The following ZNF215 variants were observed in gnomAD, a reference collection of about 807,000 sequenced individuals.
ZNF215 encodes the protein zinc finger protein 215, also known as BWSCR2-associated zinc finger protein 2.
ZNF215 carries 24 observed loss-of-function variants against 27.2 expected under a neutral mutation model. The observed-to-expected ratio is 0.88, with a 90% CI of 0.64 to 1.24. The LOEUF (loss-of-function observed/expected upper bound fraction) is 1.24, where lower values mean the gene tolerates loss of function less well. ZNF215 is among the 50% of genes most tolerant of loss of function. ZNF215 has a pLI of 0.00. For synonymous variants in ZNF215, 210 were observed against 204.0 expected, an observed-to-expected ratio of 1.03 and a Z score of -0.25; for missense variants, 675 against 605.7, an observed-to-expected ratio of 1.11 and a Z score of -1.20.
At chr11:6,958,218 T>C (rs577789634), downstream of ZNF215, among the ~76,000 whole-genome samples, 2 of 152,302 alleles carry the variant, frequency 1.3e-5, no homozygotes, top group East Asian at 3.9e-4. Context: ...TCATAGTACT[T>C]ACATTAAATA....
chr11:6,950,639 C>T (rs1282154236), intron 6 of ZNF215, among the ~76,000 whole-genome samples: 234 of 151,006 alleles, frequency 1.5e-3, no homozygotes, highest in Admixed American at 2.3e-3. Flanking sequence ...TGGGCTGAGA[C>T]GATGGGGTTT....
chr11:6,943,276 T>C, intron 5 of ZNF215, 61 bp downstream of exon 5: 1 of 1,553,194 alleles, frequency 6.4e-7, no homozygotes, highest in Non-Finnish European at 8.7e-7. Context: ...CGTTAAAAGC[T>C]ATAGGACTGC....
chr11:6,957,406 C>T lies in ZNF215; in HGVS notation c.*875C>T, dbSNP rs1430481632. 3 of 173,014 alleles carry T rather than the reference C, an allele frequency of 1.7e-5. No individual in the cohort carries two copies. The Admixed American group carries it at 2.0e-4, about 11-fold the overall frequency. The allele number at this position is 173,014 out of a possible 1,614,324, so 10.7% of individuals were successfully genotyped here. A position where few individuals can be genotyped will look rare whatever the true frequency, so the allele number is the denominator to read the frequency against. On this transcript the variant is annotated 3_prime_UTR_variant, in exon 7 of 7. Transcript: ENST00000278319. Reference sequence around the variant, plus strand: ...GGAAGTGTGCCCTGCAGTGGAATGGCTCCTAATCAGGGTTTGTTCCCACCA... The same window carrying T: ...GGAAGTGTGCCCTGCAGTGGAATGGTTCCTAATCAGGGTTTGTTCCCACCA...
chr11:6,977,282 T>G (rs1850852949), intron 5 of ZNF215, among the ~76,000 whole-genome samples: 1 of 152,058 alleles, frequency 6.6e-6, no homozygotes, highest in South Asian at 2.1e-4. Flanking sequence ...GCTCTCCTGC[T>G]CTGTCCCACC....
downstream of ZNF215, among the ~76,000 whole-genome samples, chr11:6,960,215 G>A (rs1341172514): frequency 1.3e-5 from 2 of 152,112 alleles, no homozygotes; most frequent in African/African-American, 4.8e-5. Flanking sequence ...GCCACTATGG[G>A]AATGCAAATA....
downstream of ZNF215, chr11:6,988,182 C>T: frequency 1.0e-6 from 1 of 985,132 alleles, no homozygotes; most frequent in Non-Finnish European, 1.2e-6. Flanking sequence ...GAGAATTATA[C>T]CCATGACTTA....
intron 5 of ZNF215, among the ~76,000 whole-genome samples, chr11:6,978,381 A>T (rs1850877723): frequency 6.6e-6 from 1 of 152,052 alleles, no homozygotes; most frequent in Admixed American, 6.6e-5. Context: ...AACATTTAGA[A>T]CAGAGATTAC....
At chr11:6,932,786 T>A in intron 3 of ZNF215, 114 bp downstream of exon 3, 1 of 979,270 alleles carries the variant, frequency 1.0e-6, no homozygotes, top group Non-Finnish European at 1.5e-6. Flanking sequence ...GACTTTATAT[T>A]ACTCTATTAG....
chr11:6,971,569 T>C (rs1426921342), intron 5 of ZNF215, among the ~76,000 whole-genome samples: 2 of 152,078 alleles, frequency 1.3e-5, no homozygotes, highest in African/African-American at 4.8e-5. Flanking sequence ...AAACACAAAA[T>C]GGATAGATTA....
intron 3 of ZNF215, among the ~76,000 whole-genome samples, chr11:6,934,134 AAGAAG>A (rs1849359639): frequency 6.6e-6 from 1 of 152,292 alleles, no homozygotes; most frequent in South Asian, 2.1e-4. Context: ...TAATGAGCAA[AAGAAG>A]AGAAGCTTGA....
chr11:6,945,226 T>A (rs1277306189), intron 6 of ZNF215, among the ~76,000 whole-genome samples: 1 of 152,176 alleles, frequency 6.6e-6, no homozygotes, highest in Non-Finnish European at 1.5e-5. Context: ...CTAAGGTAAA[T>A]ACCCTCGGTC....
chr11:6,950,443 T>G (rs929005378), intron 6 of ZNF215, among the ~76,000 whole-genome samples: 45 of 152,326 alleles, frequency 3.0e-4, no homozygotes, highest in African/African-American at 9.1e-4. Context: ...GAAGAGGTCC[T>G]TCACGTCCCT....
downstream of ZNF215, among the ~76,000 whole-genome samples, chr11:6,960,060 C>T (rs988382697): frequency 2.6e-5 from 4 of 151,806 alleles, no homozygotes; most frequent in African/African-American, 9.7e-5. Context: ...AAGTTAAATG[C>T]CAATCTCAAC....
intron 6 of ZNF215, among the ~76,000 whole-genome samples, chr11:6,947,530 C>T (rs1223023579): frequency 1.3e-5 from 2 of 151,920 alleles, no homozygotes; most frequent in African/African-American, 4.8e-5. Context: ...AACAGCAAGA[C>T]CCTGTCTCTA....
chr11:6,955,405 GAT>G (rs1794436781), intron 6 of ZNF215, among the ~76,000 whole-genome samples: 1 of 152,292 alleles, frequency 6.6e-6, no homozygotes, highest in South Asian at 2.1e-4. Flanking sequence ...CTTGAATTAT[GAT>G]ATGATATGCC....
rs565013947 is a variant in ZNF215, at chr11:6,966,429, A to T, written c.805+10647A>T. 2.0e-4 allele frequency among the ~76,000 whole-genome samples: 31 copies of T among 152,154 alleles called. No individual in the cohort carries two copies. In the South Asian group the frequency reaches 6.4e-3, roughly 32 times the overall value. ...AATTTGTACAGCAAACCCTAGTAAC[A>T]CACAATTTACCCATGTAACAAACCT... is the stretch of plus-strand genomic sequence containing the variant. On this transcript the variant is annotated intron_variant, in intron 5 of 5. Transcript: ENST00000529903.
At chr11:6,971,715 G>A (rs1850722345) in intron 5 of ZNF215, among the ~76,000 whole-genome samples, 2 of 152,070 alleles carry the variant, frequency 1.3e-5, no homozygotes, top group South Asian at 4.1e-4. Context: ...TTGTTAGGAA[G>A]AAATATATGG....
chr11:6,954,519 G>A (rs1397345193), intron 6 of ZNF215, among the ~76,000 whole-genome samples: 3 of 152,242 alleles, frequency 2.0e-5, no homozygotes, highest in East Asian at 1.9e-4. Flanking sequence ...GGGAGACTCC[G>A]TGGGTGTAGG....
chr11:6,941,934 A>G (rs2595500), intron 4 of ZNF215, among the ~76,000 whole-genome samples: 24,429 of 152,226 alleles, frequency 0.16, 2,254 homozygotes, highest in Middle Eastern at 0.24. Flanking sequence ...CCTCAAGAGT[A>G]GAATCCAGAG....
Sources: allele counts gnomAD v4.1 joint callset (sites outside exome capture counted in the v4.1 genomes callset), GRCh38; gene constraint gnomAD v4.1.1; transcripts MANE v1.5; gene names NCBI Gene and HGNC (gene_info 2026-07-23, HGNC 2026-07-21).